DYNC1I1: variants seen among roughly 807,000 people sequenced by gnomAD.
DYNC1I1 encodes cytoplasmic dynein 1 intermediate chain 1.
In DYNC1I1, 43 loss-of-function variants were observed where a neutral mutation model predicts 86.6. That is an observed-to-expected ratio of 0.50 (90% CI 0.39 to 0.64). DYNC1I1 has a LOEUF of 0.64. Among genes scored for constraint, DYNC1I1 ranks in the 30% least tolerant of loss-of-function variants. DYNC1I1 has a pLI of 0.00. For synonymous variants in DYNC1I1, 262 were observed against 283.7 expected, an observed-to-expected ratio of 0.92 and a Z score of 0.77; for missense variants, 604 against 788.8, an observed-to-expected ratio of 0.77 and a Z score of 2.81.
chr7:96,070,267 C>T (rs1018152897), intron 14 of DYNC1I1, among the ~76,000 whole-genome samples: 2 of 152,048 alleles, frequency 1.3e-5, no homozygotes, highest in Admixed American at 6.5e-5. Context: ...GTTTGGTTTG[C>T]GAGTTTTGGT....
chr7:95,941,586 G>T (rs1792222252), intron 6 of DYNC1I1, among the ~76,000 whole-genome samples: 1 of 152,180 alleles, frequency 6.6e-6, no homozygotes, highest in Non-Finnish European at 1.5e-5. Flanking sequence ...GAGATTCCAT[G>T]GGCATAGGAC....
rs375824480 is a variant in DYNC1I1, at chr7:95,933,513, G to A, written c.491-43999G>A. On this transcript the variant is annotated intron_variant, in intron 6 of 16. Transcript: ENST00000447467. ...TAATTTTGTTTCTTGTAAAGCAAGA[G>A]TAATAATTGATGCTCACGTGAATTG... Among the ~76,000 whole-genome samples the A allele has an allele frequency of 3.3e-5, 5 of 152,330 alleles. No homozygotes were observed. The East Asian group carries it at 9.6e-4, about 29-fold the overall frequency.
chr7:95,949,024 T>A (rs1205308332), intron 6 of DYNC1I1, among the ~76,000 whole-genome samples: 1 of 152,118 alleles, frequency 6.6e-6, no homozygotes, highest in Non-Finnish European at 1.5e-5. Context: ...AGGTCCCAGA[T>A]CTTACTCTGC....
chr7:95,995,848 C>A, intron 9 of DYNC1I1, 100 bp from the exon 10 acceptor site: 1 of 1,463,412 alleles, frequency 6.8e-7, no homozygotes, highest in Non-Finnish European at 9.1e-7. Flanking sequence ...CAGAAAGCAC[C>A]ATTTACACTG....
chr7:95,968,631 A>T (rs1298775783), intron 6 of DYNC1I1, among the ~76,000 whole-genome samples: 1 of 152,170 alleles, frequency 6.6e-6, no homozygotes, highest in African/African-American at 2.4e-5. Flanking sequence ...TTCACAAGCA[A>T]GGTTCCCACC....
intron 12 of DYNC1I1, among the ~76,000 whole-genome samples, chr7:96,034,926 G>C (rs1012810792): frequency 3.9e-5 from 6 of 152,144 alleles, no homozygotes; most frequent in Non-Finnish European, 1.5e-5. Context: ...AGGGATATTA[G>C]TTATAATTGA....
At chr7:95,976,098 A>T (rs899344872) in intron 6 of DYNC1I1, among the ~76,000 whole-genome samples, 2 of 152,210 alleles carry the variant, frequency 1.3e-5, no homozygotes, top group African/African-American at 4.8e-5. Context: ...TCAAAATTTT[A>T]GGTGCGACTT....
chr7:95,840,050 G>C (rs1365018876), intron 5 of DYNC1I1, among the ~76,000 whole-genome samples: 1 of 145,614 alleles, frequency 6.9e-6, no homozygotes, highest in Non-Finnish European at 1.5e-5. Flanking sequence ...TCCTTGGTTT[G>C]GGCATCTTTG....
intron 6 of DYNC1I1, among the ~76,000 whole-genome samples, chr7:95,891,788 G>C (rs567375525): frequency 6.6e-6 from 1 of 152,032 alleles, no homozygotes; most frequent in African/African-American, 2.4e-5. Context: ...AAATGATTTG[G>C]GGTGTGTACT....
intron 5 of DYNC1I1, among the ~76,000 whole-genome samples, chr7:95,852,550 C>T (rs1266904052): frequency 6.6e-6 from 1 of 151,694 alleles, no homozygotes; most frequent in African/African-American, 2.4e-5. Context: ...CTTTGTCGCC[C>T]AGGCTGGAGG....
At chr7:95,784,777 G>C (rs1794085296) in intron 1 of DYNC1I1, among the ~76,000 whole-genome samples, 1 of 152,216 alleles carries the variant, frequency 6.6e-6, no homozygotes. Flanking sequence ...CACCTCCTGT[G>C]AACATTGTCT....
Position 96,000,523 on chromosome 7 carries a change from G to A in DYNC1I1, c.969+4450G>A, listed in dbSNP as rs191964008. Reference sequence around the variant, plus strand: ...ACAACATTGCTACTTTGTGCCTTTCGGAAAAGGCATAAGGGAATACCAGTA... The same window carrying A: ...ACAACATTGCTACTTTGTGCCTTTCAGAAAAGGCATAAGGGAATACCAGTA... On this transcript the variant is annotated intron_variant, in intron 10 of 16. Transcript: ENST00000447467. Among the ~76,000 whole-genome samples the A allele has an allele frequency of 7.2e-5, 11 of 152,234 alleles. No individual in the cohort carries two copies. In the East Asian group the frequency reaches 1.5e-3, roughly 21 times the overall value.
chr7:96,082,288 A>T (rs1233759062), intron 16 of DYNC1I1, among the ~76,000 whole-genome samples: 1 of 152,148 alleles, frequency 6.6e-6, no homozygotes, highest in Non-Finnish European at 1.5e-5. Context: ...TGTTAAAAAA[A>T]AAAAAAGCCT....
chr7:95,963,110 C>A (rs1792916003), intron 6 of DYNC1I1, among the ~76,000 whole-genome samples: 1 of 152,226 alleles, frequency 6.6e-6, no homozygotes, highest in South Asian at 2.1e-4. Flanking sequence ...AAATGAAACT[C>A]TGCATTCTCC....
intron 6 of DYNC1I1, among the ~76,000 whole-genome samples, chr7:95,891,628 G>C (rs1408110484): frequency 6.6e-6 from 1 of 152,180 alleles, no homozygotes; most frequent in African/African-American, 2.4e-5. Context: ...GGCCTAGGGA[G>C]AGTTTTAATG....
At chr7:95,981,243 A>C (rs11763900) in intron 7 of DYNC1I1, among the ~76,000 whole-genome samples, 11,711 of 152,144 alleles carry the variant, frequency 0.077, 561 homozygotes, top group Non-Finnish European at 0.1. Flanking sequence ...CAAAAGATAT[A>C]GTTTAAAGTA....
chr7:95,859,029 C>T (rs1360150755), intron 5 of DYNC1I1, among the ~76,000 whole-genome samples: 1 of 146,254 alleles, frequency 6.8e-6, no homozygotes, highest in Non-Finnish European at 1.5e-5. Flanking sequence ...TATATTTCCC[C>T]TTATATTTTC....
chr7:95,934,984 G>A (rs1248028663), intron 6 of DYNC1I1, among the ~76,000 whole-genome samples: 1 of 150,196 alleles, frequency 6.7e-6, no homozygotes, highest in Non-Finnish European at 1.5e-5. Context: ...GTCTGTGTTA[G>A]AAACACTTAA....
At chr7:95,803,531 T>A (rs1254082617) in intron 1 of DYNC1I1, among the ~76,000 whole-genome samples, 1 of 152,248 alleles carries the variant, frequency 6.6e-6, no homozygotes, top group African/African-American at 2.4e-5. Flanking sequence ...TCCCAACTTG[T>A]GTATTTGTCT....
Sources: allele counts gnomAD v4.1 joint callset (sites outside exome capture counted in the v4.1 genomes callset), GRCh38; gene constraint gnomAD v4.1.1; transcripts MANE v1.5; gene names NCBI Gene and HGNC (gene_info 2026-07-23, HGNC 2026-07-21).